The following DLGAP2 variants were observed in gnomAD, a reference collection of about 807,000 sequenced individuals.
The protein encoded by DLGAP2 is disks large-associated protein 2.
DLGAP2 carries 26 observed loss-of-function variants against 100.3 expected under a neutral mutation model. The observed-to-expected ratio is 0.26, with a 90% CI of 0.19 to 0.36. DLGAP2 has a LOEUF of 0.36. Ranked by LOEUF, DLGAP2 falls within the 10% of genes least tolerant of loss-of-function variation. DLGAP2 has a pLI of 1.00. For missense variants in DLGAP2, 1,858 were observed against 1,453.2 expected (o/e 1.28, Z -4.53); for synonymous variants, 886 against 630.1 (o/e 1.41, Z -6.08).
chr8:1,384,182 A>G (rs1334260335), intron 3 of DLGAP2, among the ~76,000 whole-genome samples: 1 of 152,284 alleles, frequency 6.6e-6, no homozygotes, highest in Admixed American at 6.5e-5. Flanking sequence ...CAAAGGATTC[A>G]TAAAAGTTAA....
chr8:1,049,218 G>C (rs1160527070), intron 2 of DLGAP2, among the ~76,000 whole-genome samples: 1 of 152,186 alleles, frequency 6.6e-6, no homozygotes, highest in Non-Finnish European at 1.5e-5. Context: ...GGGGGAAAAT[G>C]TGTAATGAAA....
At chr8:1,338,315 G>A (rs1801334725) in intron 3 of DLGAP2, among the ~76,000 whole-genome samples, 1 of 152,180 alleles carries the variant, frequency 6.6e-6, no homozygotes, top group Non-Finnish European at 1.5e-5. Context: ...AAGGGATAAA[G>A]TGCAGGCCAC....
At chr8:1,369,732 G>C (rs1016540095) in intron 3 of DLGAP2, 1 of 152,300 alleles carries the variant, frequency 6.6e-6, no homozygotes, top group Non-Finnish European at 1.5e-5. Context: ...GCCCTGCCAA[G>C]TCCTGCAGCC....
intron 1 of DLGAP2, among the ~76,000 whole-genome samples, chr8:826,873 C>G (rs1796693593): frequency 6.6e-6 from 1 of 152,178 alleles, no homozygotes. Context: ...TGCTCATTTT[C>G]CAGCCTCGCA....
chr8:1,193,149 TTA>T (rs1281971701), intron 2 of DLGAP2, among the ~76,000 whole-genome samples: 12 of 152,194 alleles, frequency 7.9e-5, no homozygotes, highest in African/African-American at 2.9e-4. Flanking sequence ...GCATGTGTCT[TTA>T]TAGCAGCATG....
chr8:1,589,937 A>G (rs73529665), intron 6 of DLGAP2, among the ~76,000 whole-genome samples: 1,626 of 152,288 alleles, frequency 0.011, 30 homozygotes, highest in African/African-American at 0.037. Context: ...AGTACCACAC[A>G]CAGCGTGGCT....
At chr8:966,899 A>T (rs958936459) in intron 2 of DLGAP2, among the ~76,000 whole-genome samples, 1 of 152,206 alleles carries the variant, frequency 6.6e-6, no homozygotes, top group Non-Finnish European at 1.5e-5. Context: ...TCCTGAGCTT[A>T]TTTTGTGCTT....
intron 2 of DLGAP2, among the ~76,000 whole-genome samples, chr8:1,093,218 C>T: frequency 6.6e-6 from 1 of 152,110 alleles, no homozygotes; most frequent in East Asian, 1.9e-4. Flanking sequence ...AAAACACCTT[C>T]ACACCAACAG....
intron 14 of DLGAP2, among the ~76,000 whole-genome samples, chr8:1,698,936 G>C (rs1038087763): frequency 7.1e-5 from 9 of 127,166 alleles, no homozygotes; most frequent in Non-Finnish European, 1.0e-4. Flanking sequence ...AGGCAGGTCT[G>C]CATAAGCCAT....
chr8:1,176,151 T>C (rs1290338581), intron 2 of DLGAP2, among the ~76,000 whole-genome samples: 1 of 152,124 alleles, frequency 6.6e-6, no homozygotes, highest in East Asian at 1.9e-4. Flanking sequence ...AAACTTACAA[T>C]TGTGGTGGAA....
chr8:1,316,268 C>T (rs377405092), intron 3 of DLGAP2, among the ~76,000 whole-genome samples: 634 of 47,702 alleles, frequency 0.013, no homozygotes, highest in African/African-American at 0.022. Context: ...AAAAATAGAG[C>T]GTGTGCGAGT....
intron 7 of DLGAP2, among the ~76,000 whole-genome samples, chr8:1,629,927 C>G (rs563580238): frequency 2.0e-5 from 3 of 152,108 alleles, no homozygotes; most frequent in Non-Finnish European, 1.5e-5. Context: ...TTTTGATGAA[C>G]CCAAGATGGT....
intron 1 of DLGAP2, among the ~76,000 whole-genome samples, chr8:820,516 C>G (rs192845134): frequency 2.6e-5 from 4 of 152,216 alleles, no homozygotes; most frequent in Admixed American, 2.6e-4. Context: ...AAGAAAAAAA[C>G]TAAGAAACAG....
At chr8:1,507,229 T>TG (rs2130352335) in intron 4 of DLGAP2, among the ~76,000 whole-genome samples, 1 of 152,264 alleles carries the variant, frequency 6.6e-6, no homozygotes, top group East Asian at 1.9e-4. Context: ...CAGGGAGGCT[T>TG]GGGCCGCGCG....
intron 2 of DLGAP2, among the ~76,000 whole-genome samples, chr8:1,114,329 G>T (rs747715990): frequency 1.3e-5 from 2 of 151,954 alleles, no homozygotes; most frequent in Non-Finnish European, 2.9e-5. Flanking sequence ...ATCTGTCCTG[G>T]GCTTTTTTTT....
chr8:1,363,016 C>T (rs1435207607), intron 3 of DLGAP2, among the ~76,000 whole-genome samples: 1 of 152,208 alleles, frequency 6.6e-6, no homozygotes, highest in Non-Finnish European at 1.5e-5. Flanking sequence ...CACCGCCGGA[C>T]ACAGGCCTGA....
intron 2 of DLGAP2, among the ~76,000 whole-genome samples, chr8:947,388 A>G (rs1053304026): frequency 2.0e-5 from 3 of 152,216 alleles, no homozygotes; most frequent in Admixed American, 6.5e-5. Flanking sequence ...TTTTGCGGGA[A>G]GGATTTTCAT....
At chr8:1,673,168 T>A (rs1160345571) in intron 10 of DLGAP2, among the ~76,000 whole-genome samples, 1 of 152,116 alleles carries the variant, frequency 6.6e-6, no homozygotes, top group Non-Finnish European at 1.5e-5. Flanking sequence ...AGTGGTGCAA[T>A]CAATCACAGC....
chr8:1,233,171 C>A (rs1798572831), intron 2 of DLGAP2, among the ~76,000 whole-genome samples: 1 of 152,162 alleles, frequency 6.6e-6, no homozygotes. Context: ...TGGATATACC[C>A]CATTGTATTT....
Sources: gnomAD v4.1 joint callset for allele counts (sites outside exome capture counted in the v4.1 genomes callset) on GRCh38, gnomAD v4.1.1 for gene constraint, MANE v1.5 for transcripts, NCBI Gene and HGNC (gene_info 2026-07-23, HGNC 2026-07-21) for gene names.